MAGI2: variants seen among roughly 807,000 people sequenced by gnomAD.
MAGI2 encodes membrane associated guanylate kinase, WW and PDZ domain containing 2.
Under a neutral mutation model 133.3 loss-of-function variants are expected in MAGI2, and 35 were observed. That is an observed-to-expected ratio of 0.26 (90% confidence interval 0.20 to 0.35). MAGI2 has a LOEUF of 0.35. Ranked by LOEUF, MAGI2 falls within the 10% of genes least tolerant of loss-of-function variation. The pLI, the probability that MAGI2 is intolerant of heterozygous loss-of-function variation, is 1.00. For synonymous variants in MAGI2, 729 were observed against 710.6 expected, an observed-to-expected ratio of 1.03 and a Z score of -0.41; for missense variants, 1,636 against 1,863.4, an observed-to-expected ratio of 0.88 and a Z score of 2.25.
chr7:78,614,261 G>C (rs570305613), intron 3 of MAGI2: 1 of 148,666 alleles, frequency 6.7e-6, no homozygotes, highest in South Asian at 2.1e-4. Flanking sequence ...AACTCTGGGG[G>C]ACAGGTGAGT....
At chr7:78,807,531 C>G (rs1161668451) in intron 2 of MAGI2, among the ~76,000 whole-genome samples, 3 of 151,974 alleles carry the variant, frequency 2.0e-5, no homozygotes, top group African/African-American at 7.2e-5. Flanking sequence ...GACAGAATGA[C>G]AGTGAAAAGG....
chr7:78,543,036 C>T (rs750488223), intron 3 of MAGI2, among the ~76,000 whole-genome samples: 9 of 152,012 alleles, frequency 5.9e-5, no homozygotes, highest in Non-Finnish European at 1.3e-4. Context: ...TTTCCTAAGC[C>T]CAAACTGATG....
chr7:78,045,693 T>G (rs1048664335), intron 21 of MAGI2, among the ~76,000 whole-genome samples: 2 of 152,208 alleles, frequency 1.3e-5, no homozygotes, highest in African/African-American at 4.8e-5. Flanking sequence ...TCATCTGAGA[T>G]CTGAAGATTC....
intron 1 of MAGI2, among the ~76,000 whole-genome samples, chr7:79,162,637 TAAAGG>T (rs752774128): frequency 3.3e-5 from 5 of 152,106 alleles, no homozygotes; most frequent in Non-Finnish European, 5.9e-5. Context: ...ACTATAGAAT[TAAAGG>T]AAAATATTTA....
intron 1 of MAGI2, among the ~76,000 whole-genome samples, chr7:79,194,430 A>G (rs887876680): frequency 6.6e-6 from 1 of 151,958 alleles, no homozygotes; most frequent in Non-Finnish European, 1.5e-5. Flanking sequence ...GTTTTAGAAC[A>G]GAGATGGCCA....
At chr7:79,392,030 C>A (rs970843219) in intron 1 of MAGI2, among the ~76,000 whole-genome samples, 4 of 152,032 alleles carry the variant, frequency 2.6e-5, no homozygotes, top group African/African-American at 9.7e-5. Context: ...TCCGACAGGC[C>A]CCGGTGTGTG....
intron 3 of MAGI2, among the ~76,000 whole-genome samples, chr7:78,535,783 A>G (rs1797835746): frequency 6.6e-6 from 1 of 152,094 alleles, no homozygotes; most frequent in Non-Finnish European, 1.5e-5. Flanking sequence ...ACCTGAGATC[A>G]GTGCTTGAGA....
chr7:79,059,366 T>C (rs1363147837), intron 1 of MAGI2, among the ~76,000 whole-genome samples: 1 of 152,086 alleles, frequency 6.6e-6, no homozygotes, highest in Admixed American at 6.6e-5. Context: ...TAAATATTTT[T>C]GCTGAGGTGA....
At chr7:78,789,914 T>C (rs1315697184) in intron 2 of MAGI2, among the ~76,000 whole-genome samples, 1 of 152,146 alleles carries the variant, frequency 6.6e-6, no homozygotes, top group East Asian at 1.9e-4. Context: ...AAAATAGTTA[T>C]AAGTAGGTTC....
intron 9 of MAGI2, among the ~76,000 whole-genome samples, chr7:78,335,375 GC>G (rs1293309650): frequency 6.6e-6 from 1 of 152,148 alleles, no homozygotes; most frequent in Non-Finnish European, 1.5e-5. Context: ...GAAAGAAAAT[GC>G]CCCAGAGAAC....
intron 3 of MAGI2, among the ~76,000 whole-genome samples, chr7:78,566,635 C>G (rs2150753668): frequency 6.6e-6 from 1 of 151,848 alleles, no homozygotes; most frequent in African/African-American, 2.4e-5. Context: ...CATTAGCAAG[C>G]TATGTGTAGT....
intron 2 of MAGI2, among the ~76,000 whole-genome samples, chr7:78,707,489 T>A (rs1057393958): frequency 6.6e-6 from 1 of 152,120 alleles, no homozygotes; most frequent in Non-Finnish European, 1.5e-5. Flanking sequence ...CACTTAACAC[T>A]CATTCTAAAA....
chr7:78,982,638 C>G (rs1191920928), intron 2 of MAGI2, among the ~76,000 whole-genome samples: 2 of 151,760 alleles, frequency 1.3e-5, no homozygotes, highest in Non-Finnish European at 2.9e-5. Flanking sequence ...TCATTCTGGC[C>G]TAGATCATCC....
chr7:78,918,682 T>C (rs965749349), intron 2 of MAGI2, among the ~76,000 whole-genome samples: 3 of 152,150 alleles, frequency 2.0e-5, no homozygotes, highest in African/African-American at 7.2e-5. Context: ...ATATAACTAC[T>C]GGAGACAAAG....
In MAGI2 at chr7:79,453,163, G is replaced by A. The variant is rs969911695; in HGVS notation, c.158C>T (p.Ala53Val). Residue 53 changes from alanine to valine, a missense_variant, in exon 1 of 22, where the codon GCC becomes GTC. Coordinates refer to ENST00000354212, the MANE Select transcript of MAGI2 (RefSeq NM_012301.4). ...CACCAATTTGCTGCCGCTCTCATAG[G>A]CCACCTTGCCGGGCTTCACCTCCCC... ...YLGEVKPGKV[A>V]YESGSKLVSE... 2.5e-6 allele frequency: 4 copies of A among 1,613,886 alleles called. No individual in the cohort carries two copies. In the African/African-American group the frequency reaches 4.0e-5, roughly 16 times the overall value.
At chr7:78,265,788 T>C (rs1793940077) in intron 9 of MAGI2, among the ~76,000 whole-genome samples, 1 of 152,246 alleles carries the variant, frequency 6.6e-6, no homozygotes, top group South Asian at 2.1e-4. Context: ...GCTGTAATTG[T>C]ATTCCTGAAC....
intron 9 of MAGI2, among the ~76,000 whole-genome samples, chr7:78,296,109 C>G (rs1007823691): frequency 1.8e-4 from 27 of 152,120 alleles, no homozygotes; most frequent in Admixed American, 9.8e-4. Context: ...TACTCTTGCC[C>G]CAGAGAGTCC....
At chr7:79,338,772 C>T (rs1840675890) in intron 1 of MAGI2, among the ~76,000 whole-genome samples, 1 of 152,032 alleles carries the variant, frequency 6.6e-6, no homozygotes, top group African/African-American at 2.4e-5. Context: ...CAGAAGTTCC[C>T]CTAAATACCA....
Position 78,185,657 on chromosome 7 carries a change from G to T in MAGI2, c.2283C>A (p.Pro761=). 6.3e-7 allele frequency: 1 copy of T among 1,586,524 alleles called. No homozygotes were observed. The change falls in exon 13 of 22, where the codon CCC becomes CCA. Residue 761 remains proline, a synonymous_variant. Coordinates refer to ENST00000354212, the MANE Select transcript of MAGI2 (RefSeq NM_012301.4). ...AIYESRQQVP[P]RTSFRMDSSG... Reference sequence around the variant, plus strand: ...AGGAATCCATTCGAAAACTGGTCCTGGGTGGCACTTGTTCTGGATGGGAAA... The same window carrying T: ...AGGAATCCATTCGAAAACTGGTCCTTGGTGGCACTTGTTCTGGATGGGAAA...
Sources: gnomAD v4.1 joint callset for allele counts (sites outside exome capture counted in the v4.1 genomes callset) on GRCh38, gnomAD v4.1.1 for gene constraint, MANE v1.5 for transcripts, NCBI Gene and HGNC (gene_info 2026-07-23, HGNC 2026-07-21) for gene names.